The following SYNRG variants were observed in gnomAD, a reference collection of about 807,000 sequenced individuals.
SYNRG encodes the protein synergin gamma.
In SYNRG, 37 loss-of-function variants were observed where a neutral mutation model predicts 130.9. The observed-to-expected ratio is 0.28, with a 90% CI of 0.22 to 0.37. The LOEUF is 0.37. SYNRG is among the 10% of genes least tolerant of loss of function. The probability of loss-of-function intolerance (pLI) is 1.00; values close to 1 mark genes in which losing one functional copy is unlikely to be tolerated. For missense variants in SYNRG, 1,338 were observed against 1,588.9 expected, an observed-to-expected ratio of 0.84 and a Z score of 2.68; for synonymous variants, 539 against 568.1, an observed-to-expected ratio of 0.95 and a Z score of 0.73.
At chr17:37,586,298 G>C in intron 4 of SYNRG, 121 bp downstream of exon 4, 1 of 1,406,116 alleles carries the variant, frequency 7.1e-7, no homozygotes, top group South Asian at 1.4e-5. Flanking sequence ...CAGGCCTTAA[G>C]AGTTTTAAAG....
chr17:37,589,442 TCA>T (rs1397404644), intron 3 of SYNRG, among the ~76,000 whole-genome samples: 5 of 152,140 alleles, frequency 3.3e-5, no homozygotes, highest in African/African-American at 1.2e-4. Flanking sequence ...ATCATAGAAA[TCA>T]ATAAATTAAA....
At chr17:37,550,697 CAAA>C (rs59108421) in intron 14 of SYNRG, among the ~76,000 whole-genome samples, 2 of 135,052 alleles carry the variant, frequency 1.5e-5, no homozygotes. Context: ...GAAAAGCAGC[CAAA>C]AAAAAAAAAA....
chr17:37,539,003 C>A, intron 17 of SYNRG, 189 bp downstream of exon 17: 1 of 969,682 alleles, frequency 1.0e-6, no homozygotes, highest in Non-Finnish European at 1.2e-6. Context: ...ACACATGAGC[C>A]GGTCTGCTAT....
At chr17:37,586,251 T>A (rs534998778) in intron 4 of SYNRG, among the ~76,000 whole-genome samples, 168 bp downstream of exon 4, 2 of 152,298 alleles carry the variant, frequency 1.3e-5, no homozygotes, top group African/African-American at 4.8e-5. Context: ...ACCCCAGCCT[T>A]CCAAAGTGCT....
chr17:37,554,727 TA>T (rs1182839140), intron 13 of SYNRG, among the ~76,000 whole-genome samples: 1 of 152,200 alleles, frequency 6.6e-6, no homozygotes, highest in Admixed American at 6.5e-5. Flanking sequence ...CTATAGTCTC[TA>T]ATAAGCTGAA....
At chr17:37,536,560 G>T (rs970457382) in intron 18 of SYNRG, 2 of 159,634 alleles carry the variant, frequency 1.3e-5, no homozygotes, top group African/African-American at 4.8e-5. Context: ...GTTTATTTAT[G>T]AGTCCATCTG....
chr17:37,576,871 G>A (rs934580393), intron 7 of SYNRG, among the ~76,000 whole-genome samples: 1 of 152,092 alleles, frequency 6.6e-6, no homozygotes, highest in African/African-American at 2.4e-5. Flanking sequence ...ACTTTTGGGG[G>A]CTTTCTGTCC....
chr17:37,574,707 A>C (rs1232531028), intron 8 of SYNRG, among the ~76,000 whole-genome samples: 1 of 152,178 alleles, frequency 6.6e-6, no homozygotes, highest in East Asian at 1.9e-4. Flanking sequence ...ATGAGATATC[A>C]TCTCACCCCA....
intron 19 of SYNRG, among the ~76,000 whole-genome samples, chr17:37,524,360 C>T (rs1382492303): frequency 6.6e-6 from 1 of 151,928 alleles, no homozygotes; most frequent in Non-Finnish European, 1.5e-5. Flanking sequence ...GTATGATGTT[C>T]CCTGTTCCTT....
chr17:37,561,254 G>C lies in SYNRG; in HGVS notation c.1604C>G (p.Pro535Arg). ...TCTGAAAGCACTATATTTATCACCA[G>C]GATCTATGATAGAAAGGACAGAAGC... is the stretch of plus-strand genomic sequence containing the variant. ...SSENTVPPGD[P>R]GDKYSAFREL... is the part of the protein sequence containing the mutation. Residue 535 changes from proline (P) to arginine (R), a missense_variant, in exon 13 of 22, where the codon CCT becomes CGT. This residue lies in a region of SYNRG where 1,146 missense variants were observed against 1,342.3 expected (regional missense o/e 0.85). Coordinates refer to ENST00000612223, the MANE Select transcript of SYNRG (RefSeq NM_007247.6). 2 of 1,613,574 alleles carry C rather than the reference G, an allele frequency of 1.2e-6. No homozygotes were observed. The highest frequency in any genetic ancestry group is 1.7e-6 in the Non-Finnish European group (2 of 1,179,858).
In SYNRG at chr17:37,518,321, T is replaced by G. The variant is rs1346453913; in HGVS notation, c.*619A>C. ...CCCAGGCATGTTTTGGGAAAAAGTC[T>G]TGAGAGTGGACAGAAGTGAAGGGAA... On this transcript the variant is annotated 3_prime_UTR_variant, in exon 22 of 22. Transcript: ENST00000612223. 3 of 152,194 alleles carry G rather than the reference T, an allele frequency of 2.0e-5. No homozygotes were observed. Among genetic ancestry groups the G allele is most frequent in the Non-Finnish European group, 4.4e-5 (3 of 68,100 alleles). The allele number at this position is 152,194 out of a possible 1,614,324, so 9.4% of individuals were successfully genotyped here.
In SYNRG at chr17:37,593,650, C is replaced by T. The variant is rs138974002; in HGVS notation, c.240+2573G>A. Among the ~76,000 whole-genome samples the T allele has an allele frequency of 4.6e-3, 700 of 151,990 alleles. 5 individuals carry two copies. The highest frequency in any genetic ancestry group is 5.1e-3 in the Non-Finnish European group (348 of 67,972). On this transcript the variant is annotated intron_variant, in intron 3 of 21. Transcript: ENST00000612223. ...CTATAATCCCAGCACTTCGGGAGGC[C>T]GAGGCAGGCAGATCACCTGAGGTCA...
At chr17:37,541,116 A>C in intron 15 of SYNRG, 2 of 985,586 alleles carry the variant, frequency 2.0e-6, no homozygotes, top group Non-Finnish European at 2.4e-6. Flanking sequence ...TGCCCAGTGC[A>C]GAATCACTGG....
chr17:37,580,508 T>TGAGAGAGAGA (rs1470548930), intron 6 of SYNRG, among the ~76,000 whole-genome samples: 15,408 of 132,360 alleles, frequency 0.12, 888 homozygotes, highest in Admixed American at 0.19. Context: ...TGTGTGTGTG[T>TGAGAGAGAGA]GTGAGAGAGA....
At chr17:37,599,312 C>CA (rs1186462600) in intron 2 of SYNRG, among the ~76,000 whole-genome samples, 1 of 152,164 alleles carries the variant, frequency 6.6e-6, no homozygotes, top group East Asian at 1.9e-4. Context: ...CAGCATGGGT[C>CA]AAAATTATAT....
chr17:37,575,498 T>A (rs1421786086), intron 8 of SYNRG, among the ~76,000 whole-genome samples: 1 of 152,004 alleles, frequency 6.6e-6, no homozygotes, highest in Non-Finnish European at 1.5e-5. Flanking sequence ...ACTTTAAGGA[T>A]TTTCTTTTCT....
chr17:37,597,265 T>C (rs1282693809), intron 2 of SYNRG, among the ~76,000 whole-genome samples: 1 of 152,218 alleles, frequency 6.6e-6, no homozygotes, highest in Non-Finnish European at 1.5e-5. Flanking sequence ...ACTGCAAGCC[T>C]GGCTGACATC....
At chr17:37,577,290 A>G (rs1370200926) in intron 7 of SYNRG, 90 bp downstream of exon 7, 2 of 1,202,974 alleles carry the variant, frequency 1.7e-6, no homozygotes, top group African/African-American at 3.0e-5. Context: ...AAAATCAAGC[A>G]GCATTCATTT....
intron 1 of SYNRG, among the ~76,000 whole-genome samples, chr17:37,607,002 T>TAC (rs2063805477): frequency 6.6e-6 from 1 of 152,216 alleles, no homozygotes; most frequent in Admixed American, 6.5e-5. Flanking sequence ...CTTCAGCCTT[T>TAC]ACACCATTAC....
Sources: allele counts gnomAD v4.1 joint callset (sites outside exome capture counted in the v4.1 genomes callset), GRCh38; gene constraint gnomAD v4.1.1; regional missense constraint gnomAD v4.1.1; transcripts MANE v1.5; gene names NCBI Gene and HGNC (gene_info 2026-07-23, HGNC 2026-07-21).